Variants in ADRA1A observed in about 807,000 individuals in gnomAD.
ADRA1A encodes adrenoceptor alpha 1A, also known as alpha-1A adrenergic receptor.
In ADRA1A, 31 loss-of-function variants were observed where a neutral mutation model predicts 29.6. The observed-to-expected ratio is 1.05, with a 90% confidence interval of 0.79 to 1.41. The LOEUF (loss-of-function observed/expected upper bound fraction) is 1.41, where lower values mean the gene tolerates loss of function less well. Among genes scored for constraint, ADRA1A ranks in the 40% most tolerant of loss-of-function variants. ADRA1A has a pLI of 0.00. For synonymous variants in ADRA1A, 311 were observed against 254.3 expected, an observed-to-expected ratio of 1.22 and a Z score of -2.12; for missense variants, 619 against 601.1, an observed-to-expected ratio of 1.03 and a Z score of -0.31.
chr8:26,821,569 G>A lies in ADRA1A; in HGVS notation c.883+42518C>T, dbSNP rs1049738923. On this transcript the variant is annotated intron_variant, in intron 2 of 2. Coordinates refer to ENST00000380573, the MANE Select transcript of ADRA1A (RefSeq NM_000680.4). This position sits in a 1 kb window ranked among gnomAD's most constrained non-coding sequence, Gnocchi z 5.6. ...AACATTGGGAATCACATTTCAACACGAGATTTGGAGGGGGCAAACATTCAA... is the reference window on the plus strand; with the variant it reads ...AACATTGGGAATCACATTTCAACACAAGATTTGGAGGGGGCAAACATTCAA... 2.5e-4 allele frequency among the ~76,000 whole-genome samples: 38 copies of A among 152,132 alleles called. No individual in the cohort carries two copies. Among genetic ancestry groups the A allele is most frequent in the African/African-American group, 8.4e-4 (35 of 41,438 alleles).
Position 26,796,825 on chromosome 8 carries a change from C to T in ADRA1A, c.884-26159G>A, listed in dbSNP as rs72609955. 6.6e-6 allele frequency among the ~76,000 whole-genome samples: 1 copy of T among 152,092 alleles called. No homozygotes were observed. The highest frequency in any genetic ancestry group is 2.4e-5 in the African/African-American group (1 of 41,420). ...AGGCAGCCTCTGTAATGTGTGACCA[C>T]AGGAAGCTTTTGCATATGGCTTTGT... On this transcript the variant is annotated intron_variant, in intron 2 of 2. Coordinates refer to ENST00000380573, the MANE Select transcript of ADRA1A (RefSeq NM_000680.4). The surrounding 1 kb of genome is among the most constrained non-coding windows in gnomAD (Gnocchi z 5.0).
chr8:26,765,819 A>C, downstream of ADRA1A: 1 of 1,342,682 alleles, frequency 7.4e-7, no homozygotes. Flanking sequence ...AGCAATTGAG[A>C]AAGTTTGTCA....
chr8:26,758,005 A>G (rs1183812990), intron 2 of ADRA1A, among the ~76,000 whole-genome samples: 1 of 152,206 alleles, frequency 6.6e-6, no homozygotes, highest in Non-Finnish European at 1.5e-5. Context: ...CCAGCCTTGG[A>G]TACTCTTGTT....
intron 2 of ADRA1A, among the ~76,000 whole-genome samples, chr8:26,828,439 T>C (rs1485354804): frequency 2.0e-5 from 3 of 152,110 alleles, no homozygotes; most frequent in Non-Finnish European, 4.4e-5. Context: ...CCTGTTAAAA[T>C]AAAAAACACT....
intron 2 of ADRA1A, among the ~76,000 whole-genome samples, chr8:26,801,286 A>G (rs1240617074): frequency 6.6e-6 from 1 of 152,140 alleles, no homozygotes; most frequent in Non-Finnish European, 1.5e-5. Context: ...GATCAATCAG[A>G]CAAGAGAAAG....
At chr8:26,793,703 TGAA>T (rs1807988254) in intron 2 of ADRA1A, among the ~76,000 whole-genome samples, 1 of 151,912 alleles carries the variant, frequency 6.6e-6, no homozygotes, top group Non-Finnish European at 1.5e-5. Context: ...GCAGATAACA[TGAA>T]GAATTTTGAT....
At chr8:26,798,657 A>T (rs1265376986) in intron 2 of ADRA1A, among the ~76,000 whole-genome samples, 10 of 152,330 alleles carry the variant, frequency 6.6e-5, no homozygotes, top group African/African-American at 2.4e-4. Context: ...CTAGAATGGT[A>T]TCTGCCTGTG....
intron 2 of ADRA1A, among the ~76,000 whole-genome samples, chr8:26,750,769 A>T (rs1238836269): frequency 6.6e-6 from 1 of 152,182 alleles, no homozygotes; most frequent in African/African-American, 2.4e-5. Context: ...CTGGTGATTC[A>T]TAAAAATTCT....
intron 2 of ADRA1A, chr8:26,757,132 C>T (rs1013613217): frequency 1.4e-6 from 1 of 702,420 alleles, no homozygotes; most frequent in African/African-American, 1.7e-5. Context: ...CTGAAATAGC[C>T]ATAGACTGTG....
intron 2 of ADRA1A, among the ~76,000 whole-genome samples, chr8:26,828,574 G>A (rs946134945): frequency 7.2e-5 from 11 of 152,222 alleles, no homozygotes; most frequent in Non-Finnish European, 1.2e-4. Context: ...TAAGAATGTA[G>A]GGCAGAGGCA....
At position 26,864,904 on chromosome 8, in the gene ADRA1A, G is replaced by A. The variant is rs1161548860; in HGVS notation, c.66C>T (p.Asn22=). Residue 22 remains asparagine (N), a synonymous_variant, in exon 2 of 3, where the codon AAC becomes AAT. Transcript: ENST00000380573. The surrounding 1 kb of genome is among the most constrained non-coding windows in gnomAD (Gnocchi z 8.1). The part of the protein sequence containing the change: ...SNCTQPPAPV[N]ISKAILLGVI... The stretch of plus-strand genomic sequence containing the variant: ...CCCCGAGCAGAATGGCCTTGGAAAT[G>A]TTCACCGGTGCCGGCGGTTGGGTGC... 2 of 1,613,862 alleles carry A rather than the reference G, an allele frequency of 1.2e-6. No homozygotes were observed. The highest frequency in any genetic ancestry group is 2.2e-5 in the East Asian group (1 of 44,854).
chr8:26,790,948 A>G (rs1274210397), intron 2 of ADRA1A, among the ~76,000 whole-genome samples: 1 of 152,184 alleles, frequency 6.6e-6, no homozygotes, highest in Non-Finnish European at 1.5e-5. Context: ...TGTGGTATCC[A>G]CAATTGGTAT....
downstream of ADRA1A, among the ~76,000 whole-genome samples, chr8:26,766,358 C>T (rs1379125590): frequency 6.6e-6 from 1 of 152,238 alleles, no homozygotes; most frequent in Non-Finnish European, 1.5e-5. Flanking sequence ...CTTCTGCATA[C>T]TCTTCTATGC....
intron 2 of ADRA1A, 100 bp downstream of exon 2, chr8:26,863,987 T>G: frequency 7.8e-7 from 1 of 1,276,498 alleles, no homozygotes; most frequent in East Asian, 2.4e-5. Context: ...TTTGAAATGC[T>G]AATCCTTCCT....
chr8:26,753,703 A>C (rs1157925181), downstream of ADRA1A, among the ~76,000 whole-genome samples: 1 of 152,194 alleles, frequency 6.6e-6, no homozygotes, highest in Non-Finnish European at 1.5e-5. Context: ...TTTGCAAACT[A>C]TTACAATCTA....
chr8:26,756,550 T>A (rs1220274900), exon 3 of ADRA1A: 1 of 1,544,974 alleles, frequency 6.5e-7, no homozygotes, highest in East Asian at 2.4e-5. Context: ...TTCCTTAAGT[T>A]ACTGTTTTTC....
Position 26,787,499 on chromosome 8 carries a change from A to G in ADRA1A, c.884-16833T>C, listed in dbSNP as rs1043079608. 3.9e-5 allele frequency among the ~76,000 whole-genome samples: 6 copies of G among 152,186 alleles called. No homozygotes were observed. The highest frequency in any genetic ancestry group is 1.5e-5 in the Non-Finnish European group (1 of 68,034). On this transcript the variant is annotated intron_variant, in intron 2 of 2. Transcript: ENST00000380573. This position sits in a 1 kb window ranked among gnomAD's most constrained non-coding sequence, Gnocchi z 4.2. ...AATCAGGTAAGATTGGTCAGAAAGT[A>G]TGATCTGTTATGTATGACAAAATCT...
intron 2 of ADRA1A, among the ~76,000 whole-genome samples, chr8:26,826,236 T>C (rs767100724): frequency 1.4e-4 from 21 of 152,236 alleles, no homozygotes; most frequent in Non-Finnish European, 2.6e-4. Flanking sequence ...ATCTCTTGCA[T>C]CTATTTCCAG....
chr8:26,841,261 C>G lies in ADRA1A; in HGVS notation c.883+22826G>C, dbSNP rs1811794586. On this transcript the variant is annotated intron_variant, in intron 2 of 2. Transcript: ENST00000380573. The surrounding 1 kb of genome is among the most constrained non-coding windows in gnomAD (Gnocchi z 4.4). The stretch of plus-strand genomic sequence containing the variant: ...GGGAAGTGGGAAGTAGCAGGCAGAT[C>G]ACGCTGACAGGTTGGCTTCAAGTGA... Among the ~76,000 whole-genome samples, 1 of 152,108 alleles carries G rather than the reference C, an allele frequency of 6.6e-6. No homozygotes were observed. The highest frequency in any genetic ancestry group is 1.5e-5 in the Non-Finnish European group (1 of 68,010).
Sources: allele counts gnomAD v4.1 joint callset (sites outside exome capture counted in the v4.1 genomes callset), GRCh38; gene constraint gnomAD v4.1.1; non-coding constraint Gnocchi (gnomAD v3.1); transcripts MANE v1.5; gene names NCBI Gene and HGNC (gene_info 2026-07-23, HGNC 2026-07-21).